PJA2: variants seen among roughly 807,000 people sequenced by gnomAD.
PJA2 encodes E3 ubiquitin-protein ligase Praja-2.
PJA2 carries 25 observed loss-of-function variants against 69.3 expected under a neutral mutation model. That is an observed-to-expected ratio of 0.36 (90% CI 0.26 to 0.50). PJA2 has a LOEUF of 0.50. PJA2 is among the 20% of genes least tolerant of loss of function. The pLI is 0.96. For missense variants in PJA2, 809 were observed against 830.2 expected (o/e 0.97, Z 0.31); for synonymous variants, 308 against 277.8 (o/e 1.11, Z -1.08).
intron 7 of PJA2, among the ~76,000 whole-genome samples, chr5:109,354,402 G>A (rs1389835150): frequency 7.0e-6 from 1 of 142,006 alleles, no homozygotes; most frequent in Non-Finnish European, 1.5e-5. Flanking sequence ...GATATCTAGA[G>A]ATATCTATAG....
chr5:109,336,705 T>C lies in PJA2; in HGVS notation c.*526A>G, dbSNP rs1472456546. ...CATTTGGCATTCTGAAAAGTTCTAA[T>C]TTTAAACAAAAATGGACTTTCTGAA... On this transcript the variant is annotated 3_prime_UTR_variant, in exon 10 of 10. Transcript: ENST00000361189. 1.3e-5 allele frequency: 2 copies of C among 152,270 alleles called. No homozygotes were observed. The highest frequency in any genetic ancestry group is 4.8e-5 in the African/African-American group (2 of 41,464). 9.4% of individuals were successfully genotyped at this position (152,270 alleles called of 1,614,324 possible).
chr5:109,361,765 T>C (rs1179130253), intron 6 of PJA2, among the ~76,000 whole-genome samples: 1 of 152,222 alleles, frequency 6.6e-6, no homozygotes, highest in Non-Finnish European at 1.5e-5. Context: ...ATGGCTGTAA[T>C]GAAATCCCAT....
intron 1 of PJA2, among the ~76,000 whole-genome samples, chr5:109,409,621 C>T (rs967544206): frequency 1.3e-5 from 2 of 152,006 alleles, no homozygotes; most frequent in Non-Finnish European, 2.9e-5. Flanking sequence ...GGAGCGCGGC[C>T]CGGGTCCGGG....
rs748449108 is a variant in PJA2 at position 109,355,935 on chromosome 5, G to A, written c.1744C>T (p.Arg582Cys). The A allele has an allele frequency of 6.2e-7, 1 of 1,612,972 alleles. No individual in the cohort carries two copies. The highest frequency in any genetic ancestry group is 8.5e-7 in the Non-Finnish European group (1 of 1,179,332). The change falls in exon 7 of 10, where the codon CGC becomes TGC. Residue 582 changes from arginine (R) to cysteine (C), a missense_variant. This residue lies in a region of PJA2 where 55 missense variants were observed against 90.7 expected (regional missense o/e 0.61). Coordinates refer to ENST00000361189, the MANE Select transcript of PJA2 (RefSeq NM_014819.5). The stretch of plus-strand genomic sequence containing the variant: ...CATACCTCCATAGCCTGGGCTAAGC[G>A]TTCTTCTAGTGCCATGTAGGTAAGG... ...QFLTYMALEE[R>C]LAQAMETALA...
intron 7 of PJA2, among the ~76,000 whole-genome samples, chr5:109,355,469 G>A (rs1018405082): frequency 6.6e-6 from 1 of 152,148 alleles, no homozygotes; most frequent in Non-Finnish European, 1.5e-5. Flanking sequence ...ATTAAAGTGT[G>A]TATATGTTTG....
intron 9 of PJA2, among the ~76,000 whole-genome samples, chr5:109,342,777 TG>T (rs1762099735): frequency 9.2e-6 from 1 of 108,534 alleles, no homozygotes; most frequent in Admixed American, 8.3e-5. Context: ...CCGCCCCTAC[TG>T]GGAAGTGAGG....
intron 1 of PJA2, among the ~76,000 whole-genome samples, chr5:109,405,447 G>C (rs990741608): frequency 2.6e-5 from 4 of 152,252 alleles, no homozygotes; most frequent in East Asian, 3.9e-4. Context: ...GGTAAAGTTA[G>C]AATAGCCAAG....
In PJA2 at chr5:109,378,777, G is replaced by A; in HGVS notation, c.710C>T (p.Pro237Leu). The change falls in exon 4 of 10, where the codon CCA (proline) becomes CTA (leucine). Residue 237 changes from proline to leucine, a missense_variant. Physicochemically the swap from Pro to Leu is moderately conservative, Grantham distance 98 (BLOSUM62 -3). This residue lies in a region of PJA2 where 700 missense variants were observed against 639.5 expected (regional missense o/e 1.09). Coordinates refer to ENST00000361189, the MANE Select transcript of PJA2 (RefSeq NM_014819.5). Reference protein sequence around the residue: ...RDEFEELDSVPLVKSSAGDTE... With the variant: ...RDEFEELDSVLLVKSSAGDTE... ...ATCACCAGCAGAACTTTTCACTAAT[G>A]GTACAGAATCTAACTCTTCAAACTC... The A allele has an allele frequency of 6.2e-7, 1 of 1,612,380 alleles. No homozygotes were observed. The highest frequency in any genetic ancestry group is 8.5e-7 in the Non-Finnish European group (1 of 1,179,986).
intron 1 of PJA2, among the ~76,000 whole-genome samples, chr5:109,405,544 T>G (rs932347431): frequency 5.3e-5 from 8 of 152,228 alleles, no homozygotes; most frequent in Non-Finnish European, 1.0e-4. Context: ...AACTCAGTAC[T>G]GGCAAAATTA....
intron 7 of PJA2, among the ~76,000 whole-genome samples, chr5:109,353,761 T>C (rs903703514): frequency 7.0e-6 from 1 of 141,958 alleles, no homozygotes; most frequent in African/African-American, 2.5e-5. Context: ...ATCTATGATA[T>C]CTAGAGATAT....
chr5:109,368,876 T>C, intron 4 of PJA2, 130 bp from the exon 5 acceptor site: 2 of 929,908 alleles, frequency 2.2e-6, no homozygotes, highest in Non-Finnish European at 3.2e-6. Flanking sequence ...ATCCAAAATG[T>C]TGGAGATGGG....
chr5:109,361,793 G>A (rs1236013930), intron 6 of PJA2, among the ~76,000 whole-genome samples: 2 of 152,198 alleles, frequency 1.3e-5, no homozygotes, highest in African/African-American at 2.4e-5. Context: ...TCCCCAAAAT[G>A]GTGATAAAAG....
intron 4 of PJA2, among the ~76,000 whole-genome samples, chr5:109,374,549 T>G (rs1746798063): frequency 1.3e-5 from 2 of 152,220 alleles, no homozygotes; most frequent in Non-Finnish European, 2.9e-5. Flanking sequence ...CCATTATGAT[T>G]TGTATTAACA....
intron 7 of PJA2, among the ~76,000 whole-genome samples, chr5:109,346,134 C>T (rs970382154): frequency 5.3e-5 from 8 of 152,184 alleles, no homozygotes; most frequent in Non-Finnish European, 8.8e-5. Context: ...TCCTTCTGAA[C>T]TGCTACTGTA....
intron 1 of PJA2, among the ~76,000 whole-genome samples, chr5:109,384,504 G>A (rs558022210): frequency 6.6e-6 from 1 of 152,090 alleles, no homozygotes; most frequent in South Asian, 2.1e-4. Context: ...TTGAAAGTTT[G>A]GTTAAGTTTT....
intron 1 of PJA2, among the ~76,000 whole-genome samples, chr5:109,385,573 G>A (rs1368138016): frequency 6.6e-6 from 1 of 152,152 alleles, no homozygotes; most frequent in East Asian, 1.9e-4. Flanking sequence ...ATATTAAATA[G>A]GAGTCTGGTG....
At chr5:109,369,469 A>G (rs918847978) in intron 4 of PJA2, among the ~76,000 whole-genome samples, 10 of 152,246 alleles carry the variant, frequency 6.6e-5, no homozygotes, top group Admixed American at 2.0e-4. Context: ...ATTTTTAAAT[A>G]CAATTTGGTA....
At chr5:109,337,850 C>T (rs767849808) in intron 9 of PJA2, among the ~76,000 whole-genome samples, 2 of 151,942 alleles carry the variant, frequency 1.3e-5, no homozygotes, top group Non-Finnish European at 2.9e-5. Flanking sequence ...TAACGTAGGT[C>T]GATGGCAAAT....
At chr5:109,356,430 T>G (rs1762413866) in intron 6 of PJA2, among the ~76,000 whole-genome samples, 1 of 152,188 alleles carries the variant, frequency 6.6e-6, no homozygotes, top group South Asian at 2.1e-4. Flanking sequence ...GTTTCAGATT[T>G]TGAACCATTT....
Sources: allele counts gnomAD v4.1 joint callset (sites outside exome capture counted in the v4.1 genomes callset), GRCh38; gene constraint gnomAD v4.1.1; regional missense constraint gnomAD v4.1.1; transcripts MANE v1.5; gene names NCBI Gene and HGNC (gene_info 2026-07-23, HGNC 2026-07-21).